The following FRMD5 variants were observed in gnomAD, a reference collection of about 807,000 sequenced individuals.
FRMD5 encodes FERM domain containing 5, also known as FERM domain-containing protein 5.
Under a neutral mutation model 69.0 loss-of-function variants are expected in FRMD5, and 20 were observed. That is an observed-to-expected ratio of 0.29 (90% CI 0.20 to 0.42). The LOEUF is 0.42. FRMD5 is among the 10% of genes least tolerant of loss of function. The pLI is 1.00. For missense variants in FRMD5, 595 were observed against 708.6 expected (o/e 0.84, Z 1.82); for synonymous variants, 271 against 260.1 (o/e 1.04, Z -0.40).
At chr15:44,120,533 ATTTTT>A (rs397961745) in intron 1 of FRMD5, among the ~76,000 whole-genome samples, 2 of 137,866 alleles carry the variant, frequency 1.5e-5, no homozygotes, top group Non-Finnish European at 3.1e-5. Context: ...GGAAGAGTGG[ATTTTT>A]TTTTTTTTTT....
At chr15:43,956,223 G>A (rs113601437) in intron 1 of FRMD5, among the ~76,000 whole-genome samples, 79 of 151,988 alleles carry the variant, frequency 5.2e-4, no homozygotes, top group Non-Finnish European at 7.6e-4. Flanking sequence ...ATTACTTTGC[G>A]GAAATTACTT....
chr15:43,963,128 A>C (rs1482524114), intron 1 of FRMD5, among the ~76,000 whole-genome samples: 1 of 152,226 alleles, frequency 6.6e-6, no homozygotes, highest in African/African-American at 2.4e-5. Flanking sequence ...CAACCTACAG[A>C]ATGGGAGAAA....
chr15:43,940,626 C>T (rs1407947485), intron 1 of FRMD5, among the ~76,000 whole-genome samples: 1 of 152,164 alleles, frequency 6.6e-6, no homozygotes, highest in East Asian at 1.9e-4. Flanking sequence ...TGGTGAAGGG[C>T]TGTGTATACC....
At chr15:44,093,183 A>G (rs2076499897) in intron 1 of FRMD5, among the ~76,000 whole-genome samples, 1 of 150,696 alleles carries the variant, frequency 6.6e-6, no homozygotes, top group African/African-American at 2.4e-5. Context: ...ACCCACCTCA[A>G]CCTCCCAAAG....
chr15:43,882,363 TTTC>T, intron 13 of FRMD5, among the ~76,000 whole-genome samples: 2 of 150,984 alleles, frequency 1.3e-5, no homozygotes, highest in Middle Eastern at 3.4e-3. Flanking sequence ...GACAAATTTC[TTTC>T]TTTTTTTTTT....
At chr15:44,175,664 A>G (rs2077882235) in intron 1 of FRMD5, among the ~76,000 whole-genome samples, 1 of 152,200 alleles carries the variant, frequency 6.6e-6, no homozygotes, top group Admixed American at 6.5e-5. Context: ...CTGTATGTGA[A>G]TGTCTTTTTG....
chr15:44,187,802 C>T (rs1211161438), intron 1 of FRMD5, among the ~76,000 whole-genome samples: 1 of 152,148 alleles, frequency 6.6e-6, no homozygotes, highest in Non-Finnish European at 1.5e-5. Context: ...CTCCTGGCCT[C>T]GAGGGATCCT....
chr15:44,138,233 A>C (rs2077216141), intron 1 of FRMD5, among the ~76,000 whole-genome samples: 1 of 152,198 alleles, frequency 6.6e-6, no homozygotes, highest in Non-Finnish European at 1.5e-5. Flanking sequence ...AAAATAATAA[A>C]ACAATCTGAA....
intron 1 of FRMD5, among the ~76,000 whole-genome samples, chr15:43,930,797 C>A (rs141924379): frequency 1.3e-5 from 2 of 152,280 alleles, no homozygotes; most frequent in South Asian, 2.1e-4. Context: ...TGGTGTGACA[C>A]GCAGGATGTG....
chr15:44,145,916 G>A (rs1232506702), intron 1 of FRMD5, among the ~76,000 whole-genome samples: 2 of 152,088 alleles, frequency 1.3e-5, no homozygotes, highest in South Asian at 2.1e-4. Flanking sequence ...ATATGGAAAT[G>A]GCAACTTAAA....
chr15:44,002,588 G>A (rs1265756640), intron 1 of FRMD5, among the ~76,000 whole-genome samples: 1 of 152,066 alleles, frequency 6.6e-6, no homozygotes, highest in African/African-American at 2.4e-5. Flanking sequence ...AGAGGCTCAT[G>A]ATCAATTGAG....
chr15:43,907,294 C>T (rs1211870371), intron 5 of FRMD5, among the ~76,000 whole-genome samples: 7 of 152,228 alleles, frequency 4.6e-5, no homozygotes, highest in Non-Finnish European at 8.8e-5. Flanking sequence ...AACCTACTCA[C>T]TGTATCTTCC....
At chr15:43,966,995 T>C (rs1393212329) in intron 1 of FRMD5, among the ~76,000 whole-genome samples, 1 of 152,058 alleles carries the variant, frequency 6.6e-6, no homozygotes, top group Non-Finnish European at 1.5e-5. Flanking sequence ...AAAAGGAAGA[T>C]ATTTCAGTTT....
intron 13 of FRMD5, among the ~76,000 whole-genome samples, chr15:43,878,485 T>C (rs2088426927): frequency 6.6e-6 from 1 of 152,256 alleles, no homozygotes; most frequent in Admixed American, 6.5e-5. Context: ...TCCCTTGTTC[T>C]AGAGCTCTTG....
At chr15:44,075,767 C>T (rs1023462976) in intron 1 of FRMD5, among the ~76,000 whole-genome samples, 6 of 152,094 alleles carry the variant, frequency 3.9e-5, no homozygotes, top group Non-Finnish European at 5.9e-5. Context: ...TATTCACTCC[C>T]CTGATATGAG....
intron 1 of FRMD5, among the ~76,000 whole-genome samples, chr15:44,143,838 C>A (rs1006287227): frequency 2.1e-5 from 3 of 141,798 alleles, no homozygotes; most frequent in African/African-American, 7.7e-5. Flanking sequence ...GGCAGGAAAT[C>A]GCTTGAACCC....
intron 1 of FRMD5, among the ~76,000 whole-genome samples, chr15:43,950,567 T>C (rs1177512406): frequency 1.3e-5 from 2 of 152,186 alleles, no homozygotes; most frequent in East Asian, 3.9e-4. Context: ...AGACACCGAC[T>C]GAGCCTCTCT....
At chr15:43,962,694 G>A (rs1334625424) in intron 1 of FRMD5, among the ~76,000 whole-genome samples, 1 of 152,170 alleles carries the variant, frequency 6.6e-6, no homozygotes, top group Non-Finnish European at 1.5e-5. Context: ...CATGGTACTG[G>A]TATCAAAACA....
chr15:43,955,576 T>C (rs921924381), intron 1 of FRMD5, among the ~76,000 whole-genome samples: 1 of 152,188 alleles, frequency 6.6e-6, no homozygotes, highest in Non-Finnish European at 1.5e-5. Context: ...GAAAGCCAAC[T>C]GCTTTGTGAA....
Sources: allele counts gnomAD v4.1 joint callset (sites outside exome capture counted in the v4.1 genomes callset), GRCh38; gene constraint gnomAD v4.1.1; transcripts MANE v1.5; gene names NCBI Gene and HGNC (gene_info 2026-07-23, HGNC 2026-07-21).